Variants in HSPG2 observed in about 807,000 individuals in gnomAD.
HSPG2 encodes heparan sulfate proteoglycan 2, also known as basement membrane-specific heparan sulfate proteoglycan core protein.
Under a neutral mutation model 526.6 loss-of-function variants are expected in HSPG2, and 278 were observed. The observed-to-expected ratio is 0.53, with a 90% CI of 0.48 to 0.58. The LOEUF is 0.58. HSPG2 is among the 20% of genes least tolerant of loss of function. The probability of loss-of-function intolerance (pLI) is 0.00; values close to 1 mark genes in which losing one functional copy is unlikely to be tolerated. For missense variants in HSPG2, 5,354 were observed against 6,099.5 expected, an observed-to-expected ratio of 0.88 and a Z score of 4.07; for synonymous variants, 2,465 against 2,555.4, an observed-to-expected ratio of 0.96 and a Z score of 1.07.
In HSPG2 at chr1:21,865,149, C is replaced by T; in HGVS notation, c.4396-76G>A. 1 of 1,538,002 alleles carries T rather than the reference C, an allele frequency of 6.5e-7. No homozygotes were observed. On this transcript the variant is annotated intron_variant, in intron 35 of 96. Coordinates refer to ENST00000374695, the MANE Select transcript of HSPG2 (RefSeq NM_005529.7). This position sits in a 1 kb window ranked among gnomAD's most constrained non-coding sequence, Gnocchi z 5.4. ...TCCTACAGTTACCACCCCCCAAATC[C>T]TGCCTTACAGGCACTGACTGAGGGC...
rs748523693 is a variant in HSPG2, at chr1:21,846,108, C to T, written c.8464G>A (p.Ala2822Thr). ...CCCGTCCCACTGCAGGGACCCTCACCGGGGACGTGGACAGCACTTGAGCCA... is the reference window on the plus strand; with the variant it reads ...CCCGTCCCACTGCAGGGACCCTCACTGGGGACGTGGACAGCACTTGAGCCA... ...ASGSSAVHVP[A>T]PGGAPPIRIE... Residue 2822 changes from alanine (A) to threonine (T), a missense_variant and splice_region_variant, in exon 64 of 97, where the codon GCC (alanine) becomes ACC (threonine). Physicochemically the swap from Ala to Thr is moderately conservative, Grantham distance 58. Transcript: ENST00000374695. 4.3e-6 allele frequency: 7 copies of T among 1,612,352 alleles called. No homozygotes were observed. The highest frequency in any genetic ancestry group is 2.2e-5 in the East Asian group (1 of 44,892).
chr1:21,933,070 A>C (rs1302404451), intron 1 of HSPG2, among the ~76,000 whole-genome samples: 1 of 151,812 alleles, frequency 6.6e-6, no homozygotes, highest in East Asian at 1.9e-4. Flanking sequence ...AAATACAAAA[A>C]TTAGCCAGGT....
At position 21,822,333 on chromosome 1, in the gene HSPG2, C is replaced by G; in HGVS notation, c.*983G>C. 9.6e-7 allele frequency: 1 copy of G among 1,036,464 alleles called. No homozygotes were observed. Among genetic ancestry groups the G allele is most frequent in the Non-Finnish European group, 1.5e-6 (1 of 674,514 alleles). 64.2% of individuals were successfully genotyped at this position (1,036,464 alleles called of 1,614,324 possible). A position where few individuals can be genotyped will look rare whatever the true frequency, so the allele number is the denominator to read the frequency against. On this transcript the variant is annotated 3_prime_UTR_variant, in exon 97 of 97. Transcript: ENST00000374695. ...GACACAGAGGCCAGGCGTCCCAACC[C>G]CACAGTCTGGGGGCCACTGGCAGGA...
intron 26 of HSPG2, 24 bp downstream of exon 26, chr1:21,874,867 G>T (rs1315311140): frequency 2.5e-6 from 4 of 1,585,328 alleles, no homozygotes. Context: ...GGCTGGCTGG[G>T]CTGGCGTGGG....
chr1:21,929,494 A>C (rs1387053507), intron 1 of HSPG2, among the ~76,000 whole-genome samples: 4 of 141,452 alleles, frequency 2.8e-5, no homozygotes, highest in Admixed American at 1.4e-4. Context: ...TGCAACCTCC[A>C]CCTCCTGGGC....
chr1:21,852,914 C>T lies in HSPG2; in HGVS notation c.6591+5G>A. The T allele has an allele frequency of 6.2e-7, 1 of 1,611,986 alleles. No homozygotes were observed. Among genetic ancestry groups the T allele is most frequent in the Non-Finnish European group, 8.5e-7 (1 of 1,179,302 alleles). On this transcript the variant is annotated splice_donor_5th_base_variant and intron_variant, in intron 51 of 96. Transcript: ENST00000374695. ...CAGCAAGGTGGTCCCGGGGGGCTGC[C>T]ATACCTGGTGCCGGGCAGGGAGGCT...
intron 37 of HSPG2, among the ~76,000 whole-genome samples, chr1:21,862,693 GGGTGAT>G (rs1003142605): frequency 6.6e-6 from 1 of 151,860 alleles, no homozygotes; most frequent in African/African-American, 2.4e-5. Flanking sequence ...CTGTCAAAAA[GGGTGAT>G]GCTAATTCTA....
intron 75 of HSPG2, 43 bp downstream of exon 75, chr1:21,836,759 G>A (rs1188082460): frequency 2.0e-6 from 3 of 1,502,028 alleles, no homozygotes; most frequent in Admixed American, 3.9e-5. Context: ...GTGAGCCCTG[G>A]GCTATGCTGC....
At chr1:21,886,667 G>C (rs978230018) in intron 9 of HSPG2, among the ~76,000 whole-genome samples, 10 of 152,182 alleles carry the variant, frequency 6.6e-5, no homozygotes, top group Non-Finnish European at 8.8e-5. Flanking sequence ...TGGGGAAGTG[G>C]GAGGCTGGAA....
Position 21,879,008 on chromosome 1 carries a change from G to A in HSPG2, c.2457C>T (p.Ile819=), listed in dbSNP as rs1386058646. The change falls in exon 18 of 97, where the codon ATC becomes ATT. Residue 819 remains isoleucine (I), a synonymous_variant. Coordinates refer to ENST00000374695, the MANE Select transcript of HSPG2 (RefSeq NM_005529.7). ...TSCRPCPCPY[I]DASRRFSDTC... is the part of the protein sequence containing the mutation. ...CTGGGGCTGACCTGCGGGAGGCATC[G>A]ATGTATGGGCAAGGGCAGGGCCGGC... 2.5e-6 allele frequency: 4 copies of A among 1,613,946 alleles called. No homozygotes were observed. The highest frequency in any genetic ancestry group is 1.7e-5 in the Admixed American group (1 of 60,020).
At chr1:21,827,666 A>G (rs2097982275) in intron 91 of HSPG2, among the ~76,000 whole-genome samples, 197 bp downstream of exon 91, 1 of 152,216 alleles carries the variant, frequency 6.6e-6, no homozygotes, top group South Asian at 2.1e-4. Context: ...GTGGTTTCAA[A>G]GGCCTGCCCA....
chr1:21,892,753 G>C (rs1345259934), intron 3 of HSPG2, among the ~76,000 whole-genome samples: 1 of 151,496 alleles, frequency 6.6e-6, no homozygotes, highest in Admixed American at 6.6e-5. Context: ...AGCTACTCGG[G>C]AGGCTGAGGC....
rs200763774 is a variant in HSPG2, at chr1:21,841,970, A to G, written c.9193+32T>C. On this transcript the variant is annotated intron_variant, in intron 69 of 96. Coordinates refer to ENST00000374695, the MANE Select transcript of HSPG2 (RefSeq NM_005529.7). Reference sequence around the variant, plus strand: ...TGACGGCACCCCCATGCCTGCCCCCAGCTTGCCCACCTGCCCACCAGCCTG... The same window carrying G: ...TGACGGCACCCCCATGCCTGCCCCCGGCTTGCCCACCTGCCCACCAGCCTG... 1.3e-3 allele frequency: 2,136 copies of G among 1,611,738 alleles called. 2 individuals carry two copies. The highest frequency in any genetic ancestry group is 1.7e-3 in the Non-Finnish European group (2,027 of 1,179,888).
In HSPG2 at chr1:21,824,418, G is replaced by A. The variant is rs773213778; in HGVS notation, c.12745-42C>T. 9.3e-6 allele frequency: 15 copies of A among 1,609,280 alleles called. No homozygotes were observed. The highest frequency in any genetic ancestry group is 8.8e-5 in the South Asian group (8 of 91,018). On this transcript the variant is annotated intron_variant, in intron 93 of 96. Transcript: ENST00000374695. This position sits in a 1 kb window ranked among gnomAD's most constrained non-coding sequence, Gnocchi z 5.9. ...GGGTCTCTGGGGTCCCCAGCCTGGA[G>A]AGCAGAGGCTGCCGAGGCCAGGGGG... is the stretch of plus-strand genomic sequence containing the variant.
intron 81 of HSPG2, among the ~76,000 whole-genome samples, chr1:21,832,049 C>A (rs2098006627): frequency 6.6e-6 from 1 of 152,164 alleles, no homozygotes; most frequent in South Asian, 2.1e-4. Context: ...GGCTCAGCGC[C>A]CTGCAGCCTA....
At chr1:21,908,303 A>T in intron 1 of HSPG2, 1 of 994,094 alleles carries the variant, frequency 1.0e-6, no homozygotes, top group Non-Finnish European at 1.6e-6. Context: ...AATGTTATCC[A>T]GTATGCTGCT....
Position 21,832,420 on chromosome 1 carries a change from G to A in HSPG2, c.11207+75C>T. Reference sequence around the variant, plus strand: ...TCCTCCAGATCTCCTTTGTATAATGGAGCCCAGGGTAGCACTTGCCAGACC... The same window carrying A: ...TCCTCCAGATCTCCTTTGTATAATGAAGCCCAGGGTAGCACTTGCCAGACC... On this transcript the variant is annotated intron_variant, in intron 81 of 96. Coordinates refer to ENST00000374695, the MANE Select transcript of HSPG2 (RefSeq NM_005529.7). 3 of 1,213,960 alleles carry A rather than the reference G, an allele frequency of 2.5e-6. No individual in the cohort carries two copies. The South Asian group carries it at 3.6e-5, about 15-fold the overall frequency. 75.2% of individuals were successfully genotyped at this position (1,213,960 alleles called of 1,614,324 possible).
Position 21,861,138 on chromosome 1 carries a change from G to A in HSPG2, c.4955+619C>T, listed in dbSNP as rs78938235. 3.4e-3 allele frequency among the ~76,000 whole-genome samples: 512 copies of A among 152,300 alleles called. 4 individuals are homozygous for A. Among genetic ancestry groups the A allele is most frequent in the Admixed American group, 3.3e-3 (51 of 15,300 alleles). On this transcript the variant is annotated intron_variant, in intron 39 of 96. Transcript: ENST00000374695. ...CCCATTAGGGCTGATCTCTTATTAGGTGGCAGACTCCGTAAGGGCTGGGGT... is the reference window on the plus strand; with the variant it reads ...CCCATTAGGGCTGATCTCTTATTAGATGGCAGACTCCGTAAGGGCTGGGGT...
chr1:21,852,782 G>A lies in HSPG2; in HGVS notation c.6642C>T (p.Gly2214=), dbSNP rs531048687. Residue 2214 remains glycine (G), a synonymous_variant, in exon 52 of 97, where the codon GGC becomes GGT. Transcript: ENST00000374695. ...TGCCCACCACATGGCACACATACTC[G>A]CCTGAGTCGGCCGGGGTCACCTGGT... ...RLHQVTPADS[G]EYVCHVVGTS... 7.4e-6 allele frequency: 12 copies of A among 1,612,972 alleles called. No homozygotes were observed. Among genetic ancestry groups the A allele is most frequent in the South Asian group, 2.2e-5 (2 of 91,082 alleles).
Sources: allele counts gnomAD v4.1 joint callset (sites outside exome capture counted in the v4.1 genomes callset), GRCh38; gene constraint gnomAD v4.1.1; non-coding constraint Gnocchi (gnomAD v3.1); transcripts MANE v1.5; gene names NCBI Gene and HGNC (gene_info 2026-07-23, HGNC 2026-07-21).